Variants in APAF1 observed in about 807,000 individuals in gnomAD.
APAF1 encodes apoptotic peptidase activating factor 1.
Under a neutral mutation model 152.4 loss-of-function variants are expected in APAF1, and 91 were observed. That is an observed-to-expected ratio of 0.60 (90% confidence interval 0.50 to 0.71). APAF1 has a LOEUF of 0.71. Among genes scored for constraint, APAF1 ranks in the 30% least tolerant of loss-of-function variants. The pLI is 0.00. For missense variants in APAF1, 1,283 were observed against 1,472.0 expected, an observed-to-expected ratio of 0.87 and a Z score of 2.10; for synonymous variants, 484 against 494.1, an observed-to-expected ratio of 0.98 and a Z score of 0.27.
At chr12:98,675,965 T>C (rs1414036426) in intron 12 of APAF1, among the ~76,000 whole-genome samples, 3 of 152,232 alleles carry the variant, frequency 2.0e-5, no homozygotes, top group Admixed American at 2.0e-4. Context: ...ATACCATTAC[T>C]TCCATTTGAC....
intron 20 of APAF1, among the ~76,000 whole-genome samples, chr12:98,709,994 G>A (rs1293578325): frequency 6.6e-6 from 1 of 152,144 alleles, no homozygotes; most frequent in Admixed American, 6.5e-5. Context: ...TCATGCCTGA[G>A]CCTCCTGAGT....
chr12:98,708,476 C>T, intron 19 of APAF1, 109 bp from the exon 20 acceptor site: 1 of 1,114,142 alleles, frequency 9.0e-7, no homozygotes, highest in Non-Finnish European at 1.3e-6. Flanking sequence ...AATATTGAAA[C>T]CTTTCTAGCA....
rs1389765950 is a variant in APAF1, at chr12:98,727,196, G to A, written c.3480G>A (p.Glu1160=). The A allele has an allele frequency of 6.2e-7, 1 of 1,614,176 alleles. No individual in the cohort carries two copies. The highest frequency in any genetic ancestry group is 1.3e-5 in the African/African-American group (1 of 75,040). Residue 1160 remains glutamate (E), a synonymous_variant, in exon 26 of 27, where the codon GAG becomes GAA. Transcript: ENST00000551964. The part of the protein sequence containing the change: ...EIRIWNVSNG[E]LLHLCAPLSE... Reference sequence around the variant, plus strand: ...AGATATGGAATGTCTCAAACGGTGAGCTTCTTCATTTGTGTGCTCCGCTTT... The same window carrying A: ...AGATATGGAATGTCTCAAACGGTGAACTTCTTCATTTGTGTGCTCCGCTTT...
chr12:98,682,580 AT>A (rs148969717), intron 14 of APAF1, among the ~76,000 whole-genome samples: 2,915 of 152,126 alleles, frequency 0.019, 35 homozygotes, highest in Non-Finnish European at 0.031. Flanking sequence ...TAAAACCTTT[AT>A]TTTTTTTAAC....
intron 25 of APAF1, 111 bp downstream of exon 25, chr12:98,725,651 G>T: frequency 7.0e-7 from 1 of 1,420,026 alleles, no homozygotes. Flanking sequence ...TGAAGTTGTG[G>T]TTGGATGAGG....
At chr12:98,712,504 G>A (rs369734554) in intron 21 of APAF1, 69 bp downstream of exon 21, 2 of 919,286 alleles carry the variant, frequency 2.2e-6, no homozygotes, top group East Asian at 4.8e-5. Flanking sequence ...GTCTGGCATT[G>A]TGCACTTCTA....
chr12:98,701,143 T>C (rs1032516342), intron 17 of APAF1, among the ~76,000 whole-genome samples: 1 of 152,210 alleles, frequency 6.6e-6, no homozygotes, highest in Admixed American at 6.5e-5. Context: ...GTCAAGTATA[T>C]ATTTATGTAT....
At chr12:98,673,952 T>C (rs1375364024) in intron 12 of APAF1, among the ~76,000 whole-genome samples, 1 of 152,160 alleles carries the variant, frequency 6.6e-6, no homozygotes, top group Non-Finnish European at 1.5e-5. Context: ...TCTGAGAGAA[T>C]TAAAATTTTT....
In APAF1 at chr12:98,706,500, T is replaced by TCACGTTC; in HGVS notation, c.2612_2618dup (p.Lys874ThrfsTer6). 1 of 1,614,080 alleles carries TCACGTTC rather than the reference T, an allele frequency of 6.2e-7. No individual in the cohort carries two copies. On this transcript the variant is annotated frameshift_variant, in exon 19 of 27. Transcript: ENST00000551964. LOFTEE classifies it high-confidence loss of function. ...TATTCTGTAGTTGTGGAATACAGAC[T>TCACGTTC]CACGTTCAAAGGTGGCTGATTGCAG...
intron 11 of APAF1, among the ~76,000 whole-genome samples, 157 bp from the exon 12 acceptor site, chr12:98,671,378 G>A (rs2097679937): frequency 6.6e-6 from 1 of 151,996 alleles, no homozygotes; most frequent in South Asian, 2.1e-4. Context: ...GTCAGAAGAG[G>A]ATTACTATAT....
intron 24 of APAF1, 64 bp downstream of exon 24, chr12:98,723,828 TAA>T: frequency 6.5e-7 from 1 of 1,529,520 alleles, no homozygotes; most frequent in Non-Finnish European, 9.0e-7. Context: ...TGAGTTCAAA[TAA>T]TATATGCAAA....
At chr12:98,721,457 G>A (rs899716867) in intron 22 of APAF1, among the ~76,000 whole-genome samples, 5 of 152,308 alleles carry the variant, frequency 3.3e-5, no homozygotes, top group Admixed American at 2.6e-4. Flanking sequence ...CAGAAAGCGG[G>A]AGGAGAGAGC....
At chr12:98,721,704 A>G (rs1008908384) in intron 22 of APAF1, among the ~76,000 whole-genome samples, 1 of 152,188 alleles carries the variant, frequency 6.6e-6, no homozygotes, top group African/African-American at 2.4e-5. Flanking sequence ...CATGCTCCTG[A>G]TATCCTGCTT....
chr12:98,690,031 A>G (rs982498190), intron 16 of APAF1, among the ~76,000 whole-genome samples: 4 of 152,216 alleles, frequency 2.6e-5, no homozygotes, highest in Non-Finnish European at 4.4e-5. Context: ...AGTATTCAGT[A>G]AATTTTCTTG....
At position 98,715,038 on chromosome 12, in the gene APAF1, T is replaced by G. The variant is rs149880887; in HGVS notation, c.2959-389T>G. Among the ~76,000 whole-genome samples, 447 of 149,672 alleles carry G rather than the reference T, an allele frequency of 3.0e-3. 3 individuals are homozygous for G. Among genetic ancestry groups the G allele is most frequent in the African/African-American group, 0.01 (416 of 41,064 alleles). On this transcript the variant is annotated intron_variant, in intron 21 of 26. Coordinates refer to ENST00000551964, the MANE Select transcript of APAF1 (RefSeq NM_181861.2). ...ATAATTTGCCTTCTCATCCAGGACT[T>G]ACTTACTTTCTTCTCTCTTATCCAT...
At chr12:98,731,044 T>C (rs1384406533) in intron 26 of APAF1, among the ~76,000 whole-genome samples, 1 of 152,198 alleles carries the variant, frequency 6.6e-6, no homozygotes, top group East Asian at 1.9e-4. Flanking sequence ...CAGCAGAGTG[T>C]AATGGTCAGG....
Position 98,667,503 on chromosome 12 carries a change from T to G in APAF1, c.1363-10T>G, listed in dbSNP as rs572974164. ...GTTTCTGGCTTCTGAAACGTTTCATTGGGTTGCAGGATCTACATAAGAAGA... is the reference window on the plus strand; with the variant it reads ...GTTTCTGGCTTCTGAAACGTTTCATGGGGTTGCAGGATCTACATAAGAAGA... On this transcript the variant is annotated splice_polypyrimidine_tract_variant and intron_variant, in intron 9 of 26. Transcript: ENST00000551964. 5 of 1,613,208 alleles carry G rather than the reference T, an allele frequency of 3.1e-6. No individual in the cohort carries two copies. The South Asian group carries it at 4.4e-5, about 14-fold the overall frequency.
At position 98,734,855 on chromosome 12, in the gene APAF1, G is replaced by C. The variant is rs1489511467; in HGVS notation, c.*2289G>C. The stretch of plus-strand genomic sequence containing the variant: ...TAGGGGCTCATCTCATGTAGGCAGA[G>C]TATAAAGTATTACCTTTTGGAATTA... On this transcript the variant is annotated 3_prime_UTR_variant, in exon 27 of 27. Coordinates refer to ENST00000551964, the MANE Select transcript of APAF1 (RefSeq NM_181861.2). The C allele has an allele frequency of 4.1e-6, 1 of 243,830 alleles. No individual in the cohort carries two copies. The highest frequency in any genetic ancestry group is 2.2e-5 in the African/African-American group (1 of 45,172). 15.1% of individuals were successfully genotyped at this position (243,830 alleles called of 1,614,324 possible). A position where few individuals can be genotyped will look rare whatever the true frequency, so the allele number is the denominator to read the frequency against.
At chr12:98,712,297 A>AT (rs1275884447) in intron 20 of APAF1, 22 bp from the exon 21 acceptor site, 9 of 1,416,128 alleles carry the variant, frequency 6.4e-6, no homozygotes, top group Non-Finnish European at 9.0e-6. Flanking sequence ...CTAATAACTG[A>AT]TTTTGCCTCA....
Sources: allele counts gnomAD v4.1 joint callset (sites outside exome capture counted in the v4.1 genomes callset), GRCh38; gene constraint gnomAD v4.1.1; transcripts MANE v1.5; gene names NCBI Gene and HGNC (gene_info 2026-07-23, HGNC 2026-07-21).